The following CPNE4 variants were observed in gnomAD, a reference collection of about 807,000 sequenced individuals.
CPNE4 encodes copine 4, also known as copine-4.
In CPNE4, 25 loss-of-function variants were observed where a neutral mutation model predicts 67.9. The ratio of observed to expected loss-of-function variants is 0.37; its 90% CI spans 0.27 to 0.51. The LOEUF is 0.51. Ranked by LOEUF, CPNE4 falls within the 20% of genes least tolerant of loss-of-function variation. CPNE4 has a pLI of 0.93. For missense variants in CPNE4, 464 were observed against 690.8 expected, an observed-to-expected ratio of 0.67 and a Z score of 3.68; for synonymous variants, 242 against 244.9, an observed-to-expected ratio of 0.99 and a Z score of 0.11.
intron 7 of CPNE4, among the ~76,000 whole-genome samples, chr3:131,612,587 T>A (rs576848357): frequency 6.6e-6 from 1 of 152,218 alleles, no homozygotes; most frequent in South Asian, 2.1e-4. Context: ...ATCTCTCTCT[T>A]AGATCTAGAC....
At chr3:131,581,443 T>G in intron 9 of CPNE4, 136 bp downstream of exon 9, 1 of 635,518 alleles carries the variant, frequency 1.6e-6, no homozygotes, top group Non-Finnish European at 2.8e-6. Flanking sequence ...TTATGTTCTT[T>G]AATACATGAC....
At chr3:131,568,457 T>C (rs1348566244) in intron 10 of CPNE4, among the ~76,000 whole-genome samples, 3 of 151,994 alleles carry the variant, frequency 2.0e-5, no homozygotes, top group Non-Finnish European at 2.9e-5. Context: ...TACTGATGCC[T>C]GGTTTTCTGA....
At chr3:131,671,779 T>C (rs879758838) in intron 6 of CPNE4, among the ~76,000 whole-genome samples, 1 of 152,154 alleles carries the variant, frequency 6.6e-6, no homozygotes, top group African/African-American at 2.4e-5. Flanking sequence ...TTTTATTTTT[T>C]GGGCTGTTAC....
chr3:131,801,852 C>T (rs1034579524), intron 2 of CPNE4, among the ~76,000 whole-genome samples: 3 of 82,858 alleles, frequency 3.6e-5, no homozygotes, highest in East Asian at 4.3e-4. Context: ...CTCCAAGCCG[C>T]GCTAGGATTT....
Position 131,534,424 on chromosome 3 carries a change from C to G in CPNE4, c.*771G>C, listed in dbSNP as rs1438419080. 6.6e-6 allele frequency: 1 copy of G among 152,180 alleles called. No homozygotes were observed. The highest frequency in any genetic ancestry group is 2.4e-5 in the African/African-American group (1 of 41,440). 9.4% of individuals were successfully genotyped at this position (152,180 alleles called of 1,614,324 possible). ...GGTCTCCATCATGACACCCTAAAGT[C>G]TAGATCCTCACTCCTCTTGGTATAG... On this transcript the variant is annotated 3_prime_UTR_variant, in exon 16 of 16. Coordinates refer to ENST00000429747, the MANE Select transcript of CPNE4 (RefSeq NM_130808.3).
chr3:131,585,981 C>T (rs1388196385), intron 8 of CPNE4, among the ~76,000 whole-genome samples: 1 of 152,030 alleles, frequency 6.6e-6, no homozygotes, highest in African/African-American at 2.4e-5. Flanking sequence ...CATTGAGTTT[C>T]CAGACCAAAG....
intron 2 of CPNE4, among the ~76,000 whole-genome samples, chr3:131,782,975 A>G (rs2107858754): frequency 6.6e-6 from 1 of 152,126 alleles, no homozygotes; most frequent in South Asian, 2.1e-4. Flanking sequence ...CAAGGAGACA[A>G]TCTGCTTATC....
intron 2 of CPNE4, among the ~76,000 whole-genome samples, chr3:131,829,252 T>C (rs1330774094): frequency 6.6e-6 from 1 of 152,194 alleles, no homozygotes; most frequent in Non-Finnish European, 1.5e-5. Context: ...GACATTTGGG[T>C]GGGGACACAG....
At chr3:131,743,045 AGTAG>A (rs1213037073) in intron 2 of CPNE4, among the ~76,000 whole-genome samples, 2 of 152,186 alleles carry the variant, frequency 1.3e-5, no homozygotes, top group African/African-American at 4.8e-5. Context: ...AAATATTAGA[AGTAG>A]TAAGTAAATT....
At chr3:131,619,212 G>A (rs114803929) in intron 7 of CPNE4, among the ~76,000 whole-genome samples, 2 of 152,280 alleles carry the variant, frequency 1.3e-5, no homozygotes, top group Non-Finnish European at 2.9e-5. Context: ...GGTGTACAAG[G>A]TCTCACATGA....
chr3:131,914,709 G>A (rs1350702869), intron 1 of CPNE4, among the ~76,000 whole-genome samples: 1 of 152,170 alleles, frequency 6.6e-6, no homozygotes, highest in African/African-American at 2.4e-5. Context: ...GGGCACGGTG[G>A]CTCACACCTG....
intron 1 of CPNE4, among the ~76,000 whole-genome samples, chr3:132,005,878 A>C (rs1462985465): frequency 6.6e-6 from 1 of 152,132 alleles, no homozygotes; most frequent in Admixed American, 6.6e-5. Context: ...TGCCTCCTGG[A>C]AGTTTGAAGT....
Position 131,638,977 on chromosome 3 carries a change from C to T in CPNE4, c.681+30698G>A, listed in dbSNP as rs2079466993. ...TCCTTGAACTGAACAATAATAGTGACACAACCTATCAAAACCTCTGGGATA... is the reference window on the plus strand; with the variant it reads ...TCCTTGAACTGAACAATAATAGTGATACAACCTATCAAAACCTCTGGGATA... On this transcript the variant is annotated intron_variant, in intron 7 of 15. Coordinates refer to ENST00000429747, the MANE Select transcript of CPNE4 (RefSeq NM_130808.3). 2.0e-5 allele frequency among the ~76,000 whole-genome samples: 3 copies of T among 152,036 alleles called. No individual in the cohort carries two copies. The South Asian group carries it at 6.2e-4, about 32-fold the overall frequency.
At position 131,542,674 on chromosome 3, in the gene CPNE4, G is replaced by A. The variant is rs115835170; in HGVS notation, c.1422C>T (p.Asn474=). The change falls in exon 15 of 16, where the codon AAC becomes AAT. Residue 474 remains asparagine, a synonymous_variant. Coordinates refer to ENST00000429747, the MANE Select transcript of CPNE4 (RefSeq NM_130808.3). ...GCATCTGCATGTCACTGAAGTCAGC[G>A]TTCCCTACTCCCACGATGATGACTG... ...PMSVIIVGVG[N]ADFSDMQMLD... 4,846 of 1,613,960 alleles carry A rather than the reference G, an allele frequency of 3.0e-3. 128 individuals carry two copies. The African/African-American group carries it at 0.054, about 18-fold the overall frequency.
At chr3:131,735,662 T>C (rs1295880180) in intron 2 of CPNE4, among the ~76,000 whole-genome samples, 2 of 152,256 alleles carry the variant, frequency 1.3e-5, no homozygotes, top group African/African-American at 4.8e-5. Context: ...TAAGAAAATA[T>C]ACATCTCTAT....
At chr3:131,672,618 C>T (rs1175610888) in intron 6 of CPNE4, among the ~76,000 whole-genome samples, 2 of 152,000 alleles carry the variant, frequency 1.3e-5, no homozygotes, top group African/African-American at 4.8e-5. Flanking sequence ...TATCTATTTG[C>T]CATCTGTATG....
At chr3:131,934,051 T>C (rs1373414889) in intron 1 of CPNE4, among the ~76,000 whole-genome samples, 2 of 152,158 alleles carry the variant, frequency 1.3e-5, no homozygotes, top group African/African-American at 4.8e-5. Context: ...CTGCTAGATA[T>C]ATGGAGCTTC....
intron 7 of CPNE4, among the ~76,000 whole-genome samples, chr3:131,613,280 C>G (rs1357648812): frequency 2.0e-5 from 3 of 152,230 alleles, no homozygotes; most frequent in African/African-American, 7.2e-5. Flanking sequence ...CATCTCATCT[C>G]TGTTTTTCAC....
chr3:131,537,111 T>TA (rs1349338946), intron 15 of CPNE4, among the ~76,000 whole-genome samples: 2 of 152,174 alleles, frequency 1.3e-5, no homozygotes, highest in African/African-American at 4.8e-5. Flanking sequence ...TTCAGATAAT[T>TA]AAAAATCACC....
Sources: gnomAD v4.1 joint callset for allele counts (sites outside exome capture counted in the v4.1 genomes callset) on GRCh38, gnomAD v4.1.1 for gene constraint, MANE v1.5 for transcripts, NCBI Gene and HGNC (gene_info 2026-07-23, HGNC 2026-07-21) for gene names.